Variants in HBP1 observed in about 807,000 individuals in gnomAD.
HBP1 encodes HMG box-containing protein 1.
HBP1 carries 20 observed loss-of-function variants against 62.6 expected under a neutral mutation model. That is an observed-to-expected ratio of 0.32 (90% CI 0.22 to 0.46). The LOEUF (loss-of-function observed/expected upper bound fraction) is 0.46. HBP1 is among the 20% of genes least tolerant of loss of function. The pLI, the probability that HBP1 is intolerant of heterozygous loss-of-function variation, is 1.00. For missense variants in HBP1, 480 were observed against 611.8 expected (o/e 0.78, Z 2.27); for synonymous variants, 232 against 206.2 (o/e 1.12, Z -1.07).
chr7:107,172,683 CTG>C (rs1352604981), intron 1 of HBP1, among the ~76,000 whole-genome samples: 1 of 152,120 alleles, frequency 6.6e-6, no homozygotes, highest in Non-Finnish European at 1.5e-5. Context: ...TGGGCAGTGT[CTG>C]TGGGATGTAA....
At chr7:107,198,283 C>T (rs926028433) in intron 9 of HBP1, among the ~76,000 whole-genome samples, 1 of 149,054 alleles carries the variant, frequency 6.7e-6, no homozygotes, top group Non-Finnish European at 1.5e-5. Context: ...GATCTCGGCT[C>T]ATTGCAACTG....
At chr7:107,182,307 C>T (rs1030887885) in intron 2 of HBP1, 66 bp from the exon 3 acceptor site, 29 of 812,198 alleles carry the variant, frequency 3.6e-5, no homozygotes, top group Non-Finnish European at 3.6e-5. Flanking sequence ...CTTTTAACTG[C>T]AGTTATAATA....
chr7:107,192,651 A>G (rs935187985), intron 8 of HBP1: 1 of 151,998 alleles, frequency 6.6e-6, no homozygotes, highest in African/African-American at 2.4e-5. Context: ...TTTTTAAAGT[A>G]AAAGGGAAAA....
intron 1 of HBP1, chr7:107,170,152 T>C: frequency 7.1e-6 from 7 of 984,978 alleles, no homozygotes; most frequent in Non-Finnish European, 7.2e-6. Context: ...GTTTTCTGTT[T>C]GTTTTGTTTT....
chr7:107,192,734 C>T (rs1797714055), intron 8 of HBP1: 1 of 152,122 alleles, frequency 6.6e-6, no homozygotes, highest in African/African-American at 2.4e-5. Context: ...AATAATCACT[C>T]CCAAGATGAT....
intron 1 of HBP1, chr7:107,169,939 A>G (rs1796474774): frequency 1.0e-6 from 1 of 985,362 alleles, no homozygotes; most frequent in Non-Finnish European, 1.2e-6. Flanking sequence ...CCGCCTTTCA[A>G]CCTATGCTGC....
intron 1 of HBP1, among the ~76,000 whole-genome samples, chr7:107,170,979 ATG>A (rs1796534405): frequency 6.9e-6 from 1 of 145,404 alleles, no homozygotes; most frequent in Non-Finnish European, 1.5e-5. Context: ...TATAACATAC[ATG>A]TATATATATA....
At chr7:107,171,086 T>TG (rs1562882133) in intron 1 of HBP1, among the ~76,000 whole-genome samples, 2 of 135,626 alleles carry the variant, frequency 1.5e-5, no homozygotes, top group Non-Finnish European at 3.1e-5. Context: ...TTTTTTTTTT[T>TG]TTGAGAGGGA....
intron 1 of HBP1, chr7:107,174,641 T>A (rs181229977): frequency 3.9e-4 from 383 of 984,692 alleles, no homozygotes; most frequent in Non-Finnish European, 4.5e-4. Flanking sequence ...CAAGACAGAC[T>A]GCAGCTGTGC....
chr7:107,185,488 C>G (rs976739668), intron 3 of HBP1, among the ~76,000 whole-genome samples: 1 of 152,046 alleles, frequency 6.6e-6, no homozygotes, highest in Non-Finnish European at 1.5e-5. Flanking sequence ...GGGGTATTAT[C>G]ATTCACAAAC....
At chr7:107,171,061 A>ATTTTTTTTTTTTTTTTTTTT (rs1427195906) in intron 1 of HBP1, among the ~76,000 whole-genome samples, 1 of 65,000 alleles carries the variant, frequency 1.5e-5, no homozygotes, top group Non-Finnish European at 2.5e-5. Context: ...ATATATATAT[A>ATTTTTTTTTTTTTTTTTTTT]TATATATATA....
chr7:107,179,835 T>C, intron 1 of HBP1, 44 bp from the exon 2 acceptor site: 1 of 1,346,460 alleles, frequency 7.4e-7, no homozygotes, highest in Non-Finnish European at 1.0e-6. Context: ...ACTGCCCAAA[T>C]TGCATGGCTT....
chr7:107,170,895 A>G (rs1201863878), intron 1 of HBP1, among the ~76,000 whole-genome samples: 2 of 149,336 alleles, frequency 1.3e-5, no homozygotes, highest in Non-Finnish European at 3.0e-5. Flanking sequence ...TGTCACTGTA[A>G]GAGTTGTTTT....
At chr7:107,183,801 G>T (rs1797227604) in intron 3 of HBP1, among the ~76,000 whole-genome samples, 1 of 152,126 alleles carries the variant, frequency 6.6e-6, no homozygotes, top group Non-Finnish European at 1.5e-5. Flanking sequence ...TCTCCCTGAG[G>T]ATGTATTATT....
chr7:107,174,096 A>G (rs1024339637), intron 1 of HBP1, among the ~76,000 whole-genome samples: 2 of 152,192 alleles, frequency 1.3e-5, no homozygotes, highest in Non-Finnish European at 2.9e-5. Context: ...TTCCATTTGT[A>G]TGTAGTTTTG....
At position 107,169,161 on chromosome 7, in the gene HBP1, C is replaced by G. The variant is rs1796419272; in HGVS notation, c.-40C>G. On this transcript the variant is annotated 5_prime_UTR_variant, in exon 1 of 11. Coordinates refer to ENST00000222574, the MANE Select transcript of HBP1 (RefSeq NM_012257.4). ...TTGTCGTGGCCGGAGCGGCCCGCGC[C>G]TGGGCTGCCGGCACTTCGCGGCAGG... The G allele has an allele frequency of 6.3e-6, 7 of 1,107,038 alleles. No individual in the cohort carries two copies. In the Admixed American group the frequency reaches 1.2e-4, roughly 19 times the overall value. 68.6% of individuals were successfully genotyped at this position (1,107,038 alleles called of 1,614,324 possible).
intron 8 of HBP1, chr7:107,192,465 T>C (rs954296608): frequency 5.3e-5 from 8 of 152,286 alleles, no homozygotes; most frequent in East Asian, 1.9e-4. Context: ...AATAAAATTA[T>C]TGAAAAAGAA....
At chr7:107,197,296 C>T (rs953609626) in intron 9 of HBP1, among the ~76,000 whole-genome samples, 2 of 152,100 alleles carry the variant, frequency 1.3e-5, no homozygotes, top group Non-Finnish European at 2.9e-5. Context: ...TACTGTGTTA[C>T]CACAGTAATG....
intron 3 of HBP1, among the ~76,000 whole-genome samples, chr7:107,183,640 A>G (rs942327378): frequency 6.6e-6 from 1 of 151,844 alleles, no homozygotes; most frequent in African/African-American, 2.4e-5. Flanking sequence ...TGATTTAACT[A>G]TTGGATTTTT....
Sources: gnomAD v4.1 joint callset for allele counts (sites outside exome capture counted in the v4.1 genomes callset) on GRCh38, gnomAD v4.1.1 for gene constraint, MANE v1.5 for transcripts, NCBI Gene and HGNC (gene_info 2026-07-23, HGNC 2026-07-21) for gene names.